Variants in TRDMT1 observed in about 807,000 individuals in gnomAD.
TRDMT1 encodes the protein tRNA aspartic acid methyltransferase 1.
TRDMT1 carries 49 observed loss-of-function variants against 51.2 expected under a neutral mutation model. That is an observed-to-expected ratio of 0.96 (90% confidence interval 0.76 to 1.21). The LOEUF (loss-of-function observed/expected upper bound fraction) is 1.21. Ranked by LOEUF, TRDMT1 falls within the 50% of genes most tolerant of loss-of-function variation. The pLI is 0.00. For missense variants in TRDMT1, 534 were observed against 462.3 expected (o/e 1.16, Z -1.42); for synonymous variants, 187 against 164.6 (o/e 1.14, Z -1.04).
At chr10:17,151,889 A>G in intron 10 of TRDMT1, 2 of 1,076,376 alleles carry the variant, frequency 1.9e-6, no homozygotes, top group Non-Finnish European at 2.3e-6. Flanking sequence ...TTTACAGAGA[A>G]GTAAACTAAA....
At chr10:17,157,387 C>A in intron 8 of TRDMT1, 54 bp downstream of exon 8, 2 of 1,437,800 alleles carry the variant, frequency 1.4e-6, no homozygotes, top group Non-Finnish European at 1.9e-6. Context: ...GAAACAATAG[C>A]TTTAAAAAAC....
chr10:17,191,839 C>T (rs1441235038), intron 1 of TRDMT1, among the ~76,000 whole-genome samples: 2 of 152,158 alleles, frequency 1.3e-5, no homozygotes, highest in African/African-American at 2.4e-5. Context: ...CCTACACACA[C>T]AAGTCAGGTT....
At chr10:17,191,527 A>G (rs1374742426) in intron 1 of TRDMT1, among the ~76,000 whole-genome samples, 1 of 152,114 alleles carries the variant, frequency 6.6e-6, no homozygotes, top group Non-Finnish European at 1.5e-5. Context: ...CACGTCGGTC[A>G]ATGCTTCCCA....
In TRDMT1 at chr10:17,140,464, A is replaced by G. The variant is rs1469938595; in HGVS notation, c.*8576T>C. Reference sequence around the variant, plus strand: ...ACTCATATCTAAGTCAGTTAATTGGACAATTATTTATTAGGTACCCACTAT... The same window carrying G: ...ACTCATATCTAAGTCAGTTAATTGGGCAATTATTTATTAGGTACCCACTAT... On this transcript the variant is annotated 3_prime_UTR_variant, in exon 11 of 11. Coordinates refer to ENST00000377799, the MANE Select transcript of TRDMT1 (RefSeq NM_004412.7). Among the ~76,000 whole-genome samples the G allele has an allele frequency of 2.6e-5, 4 of 152,268 alleles. No individual in the cohort carries two copies. In the East Asian group the frequency reaches 7.7e-4, roughly 29 times the overall value.
At chr10:17,174,142 G>T (rs1180683037) in intron 2 of TRDMT1, among the ~76,000 whole-genome samples, 1 of 152,180 alleles carries the variant, frequency 6.6e-6, no homozygotes, top group East Asian at 1.9e-4. Flanking sequence ...GGTGAAAAAG[G>T]TTAACCTTGA....
chr10:17,201,334 G>C lies in TRDMT1; in HGVS notation c.64+237C>G, dbSNP rs1054943874. 3.8e-5 allele frequency: 19 copies of C among 504,340 alleles called. No homozygotes were observed. The African/African-American group carries it at 3.8e-4, about 10-fold the overall frequency. 31.2% of individuals were successfully genotyped at this position (504,340 alleles called of 1,614,324 possible). A position where few individuals can be genotyped will look rare whatever the true frequency, so the allele number is the denominator to read the frequency against. On this transcript the variant is annotated intron_variant, in intron 1 of 10. Coordinates refer to ENST00000377799, the MANE Select transcript of TRDMT1 (RefSeq NM_004412.7). ...ATCCCGACTCCCAACTGGGCCCTTT[G>C]AGGCGCCATGTGCGGCCCCTCGAGC...
In TRDMT1 at chr10:17,146,223, A is replaced by G. The variant is rs2131359110; in HGVS notation, c.*2817T>C. On this transcript the variant is annotated 3_prime_UTR_variant, in exon 11 of 11. Transcript: ENST00000377799. ...ACCCTCACTGTTCACAATTTCAACT[A>G]CTGTTTTTGCCTCTTTAGAAGGCTC... The G allele has an allele frequency of 1.0e-6, 1 of 985,478 alleles. No individual in the cohort carries two copies. The highest frequency in any genetic ancestry group is 1.1e-4 in the East Asian group (1 of 8,812). 61.0% of individuals were successfully genotyped at this position (985,478 alleles called of 1,614,324 possible).
rs1837587608 is a variant in TRDMT1 at position 17,140,537 on chromosome 10, G to A, written c.*8503C>T. On this transcript the variant is annotated 3_prime_UTR_variant, in exon 11 of 11. Transcript: ENST00000377799. Reference sequence around the variant, plus strand: ...CTGAGGATACACAAATGGGCAAGATGTAGCTTCTGCTCTGGAGGAAAAAAG... The same window carrying A: ...CTGAGGATACACAAATGGGCAAGATATAGCTTCTGCTCTGGAGGAAAAAAG... Among the ~76,000 whole-genome samples the A allele has an allele frequency of 6.6e-6, 1 of 152,140 alleles. No individual in the cohort carries two copies. The highest frequency in any genetic ancestry group is 1.5e-5 in the Non-Finnish European group (1 of 68,020).
At chr10:17,150,803 T>C in intron 10 of TRDMT1, 1 of 984,508 alleles carries the variant, frequency 1.0e-6, no homozygotes, top group East Asian at 1.1e-4. Flanking sequence ...AAAGTTTCTA[T>C]TCTAAAGATA....
chr10:17,199,294 G>A (rs931608132), intron 1 of TRDMT1, among the ~76,000 whole-genome samples: 4 of 152,156 alleles, frequency 2.6e-5, no homozygotes, highest in Admixed American at 2.6e-4. Context: ...GAGGTACAGG[G>A]AGGCAGGAAA....
chr10:17,189,068 C>T (rs1844333931), intron 1 of TRDMT1, among the ~76,000 whole-genome samples: 1 of 152,024 alleles, frequency 6.6e-6, no homozygotes, highest in Non-Finnish European at 1.5e-5. Flanking sequence ...TATTGATTTG[C>T]TATTTTTGAA....
rs1838345865 is a variant in TRDMT1, at chr10:17,148,923, G to C, written c.*117C>G. ...TAATAAAATCCAAATTTCTTAATAA[G>C]GACAGATTAAAATAATTTAGTTAAA... is the stretch of plus-strand genomic sequence containing the variant. On this transcript the variant is annotated 3_prime_UTR_variant, in exon 11 of 11. Transcript: ENST00000377799. 7.4e-7 allele frequency: 1 copy of C among 1,355,434 alleles called. No individual in the cohort carries two copies. The highest frequency in any genetic ancestry group is 1.5e-5 in the African/African-American group (1 of 67,438). The allele number at this position is 1,355,434 out of a possible 1,614,324, so 84.0% of individuals were successfully genotyped here.
chr10:17,161,607 AGAAAATC>A, intron 4 of TRDMT1, 59 bp from the exon 5 acceptor site: 1 of 902,674 alleles, frequency 1.1e-6, no homozygotes, highest in Non-Finnish European at 1.5e-6. Context: ...GAAAAAGTAA[AGAAAATC>A]ATTACTTGTG....
At chr10:17,183,368 T>A (rs1843506416) in intron 1 of TRDMT1, among the ~76,000 whole-genome samples, 1 of 152,214 alleles carries the variant, frequency 6.6e-6, no homozygotes, top group African/African-American at 2.4e-5. Flanking sequence ...TAAACTCTTT[T>A]GAATAATTCG....
chr10:17,188,546 A>G (rs1391279453), intron 1 of TRDMT1, among the ~76,000 whole-genome samples: 2 of 152,238 alleles, frequency 1.3e-5, no homozygotes, highest in Non-Finnish European at 2.9e-5. Flanking sequence ...AGAAGCCTCC[A>G]ACATATTTTA....
At chr10:17,201,373 A>C in intron 1 of TRDMT1, 198 bp downstream of exon 1, 3 of 528,294 alleles carry the variant, frequency 5.7e-6, no homozygotes, top group Non-Finnish European at 9.8e-6. Flanking sequence ...ACTCGGCGCC[A>C]GGAGAAGGGA....
At position 17,148,204 on chromosome 10, in the gene TRDMT1, A is replaced by G; in HGVS notation, c.*836T>C. ...AGTGTATGTTGCTACAATAAAGAAC[A>G]ACTGGGGGGAGGGGAGTACTGTCAT... On this transcript the variant is annotated 3_prime_UTR_variant, in exon 11 of 11. Transcript: ENST00000377799. 1.0e-6 allele frequency: 1 copy of G among 985,450 alleles called. No homozygotes were observed. Among genetic ancestry groups the G allele is most frequent in the Non-Finnish European group, 1.2e-6 (1 of 829,952 alleles). 61.0% of individuals were successfully genotyped at this position (985,450 alleles called of 1,614,324 possible). A position where few individuals can be genotyped will look rare whatever the true frequency, so the allele number is the denominator to read the frequency against.
rs1459994406 is a variant in TRDMT1 at position 17,137,637 on chromosome 10, G to C, written c.*11403C>G. The stretch of plus-strand genomic sequence containing the variant: ...ATTTGAGGTCAGGAATTTGAGACCA[G>C]CCAAAATGGTGAAACCCTGTCTCTA... On this transcript the variant is annotated 3_prime_UTR_variant, in exon 11 of 11. Coordinates refer to ENST00000377799, the MANE Select transcript of TRDMT1 (RefSeq NM_004412.7). The C allele has an allele frequency of 6.6e-6, 1 of 152,200 alleles. No individual in the cohort carries two copies. The highest frequency in any genetic ancestry group is 1.5e-5 in the Non-Finnish European group (1 of 68,128). The allele number at this position is 152,200 out of a possible 1,614,324, so 9.4% of individuals were successfully genotyped here.
At position 17,145,142 on chromosome 10, in the gene TRDMT1, G is replaced by A. The variant is rs1041882739; in HGVS notation, c.*3898C>T. 3 of 589,274 alleles carry A rather than the reference G, an allele frequency of 5.1e-6. No homozygotes were observed. Among genetic ancestry groups the A allele is most frequent in the Non-Finnish European group, 6.4e-6 (3 of 468,242 alleles). 36.5% of individuals were successfully genotyped at this position (589,274 alleles called of 1,614,324 possible). On this transcript the variant is annotated 3_prime_UTR_variant, in exon 11 of 11. Transcript: ENST00000377799. ...TGCGCCTGTAATCCCAGCTACTAGG[G>A]AGGCTGAGGCAGGAAAATCACTTTA...
Sources: allele counts gnomAD v4.1 joint callset (sites outside exome capture counted in the v4.1 genomes callset), GRCh38; gene constraint gnomAD v4.1.1; transcripts MANE v1.5; gene names NCBI Gene and HGNC (gene_info 2026-07-23, HGNC 2026-07-21).